KIRREL3: variants seen among roughly 807,000 people sequenced by gnomAD.
The protein encoded by KIRREL3 is kin of IRRE-like protein 3.
Under a neutral mutation model 89.7 loss-of-function variants are expected in KIRREL3, and 36 were observed. That is an observed-to-expected ratio of 0.40 (90% CI 0.31 to 0.53). The LOEUF (loss-of-function observed/expected upper bound fraction) is 0.53, where lower values mean the gene tolerates loss of function less well. Among genes scored for constraint, KIRREL3 ranks in the 20% least tolerant of loss-of-function variants. The pLI, the probability that KIRREL3 is intolerant of heterozygous loss-of-function variation, is 0.49. For missense variants in KIRREL3, 864 were observed against 1,056.6 expected, an observed-to-expected ratio of 0.82 and a Z score of 2.53; for synonymous variants, 445 against 441.4, an observed-to-expected ratio of 1.01 and a Z score of -0.10.
Position 126,463,804 on chromosome 11 carries a change from C to T in KIRREL3, c.592-497G>A, listed in dbSNP as rs1332101654. Among the ~76,000 whole-genome samples, 1 of 152,148 alleles carries T rather than the reference C, an allele frequency of 6.6e-6. No individual in the cohort carries two copies. Among genetic ancestry groups the T allele is most frequent in the African/African-American group, 2.4e-5 (1 of 41,438 alleles). Reference sequence around the variant, plus strand: ...GAGTCAGAGTGGGTGGGGATATGGGCAGAATCAGTGCACATCAACCTTTCG... The same window carrying T: ...GAGTCAGAGTGGGTGGGGATATGGGTAGAATCAGTGCACATCAACCTTTCG... On this transcript the variant is annotated intron_variant, in intron 5 of 16. Transcript: ENST00000525144. This position sits in a 1 kb window ranked among gnomAD's most constrained non-coding sequence, Gnocchi z 5.9.
At position 126,614,093 on chromosome 11, in the gene KIRREL3, C is replaced by T. The variant is rs890158771; in HGVS notation, c.56-51181G>A. ...TCTCCCTTTGTGGGTGGCATTTTGACATCACATTTTAAGACAGGGTACAGA... is the reference window on the plus strand; with the variant it reads ...TCTCCCTTTGTGGGTGGCATTTTGATATCACATTTTAAGACAGGGTACAGA... On this transcript the variant is annotated intron_variant, in intron 1 of 16. Transcript: ENST00000525144. This position sits in a 1 kb window ranked among gnomAD's most constrained non-coding sequence, Gnocchi z 4.6. Among the ~76,000 whole-genome samples, 2 of 152,026 alleles carry T rather than the reference C, an allele frequency of 1.3e-5. No individual in the cohort carries two copies. Among genetic ancestry groups the T allele is most frequent in the African/African-American group, 4.8e-5 (2 of 41,382 alleles).
At position 126,514,822 on chromosome 11, in the gene KIRREL3, C is replaced by T. The variant is rs537338939; in HGVS notation, c.433+6493G>A. ...TAGCCACATTGCCTCTCCAACACAA[C>T]ACAACACAACACAACACAACACAAC... On this transcript the variant is annotated intron_variant, in intron 4 of 16. Transcript: ENST00000525144. Among the ~76,000 whole-genome samples, 27 of 133,644 alleles carry T rather than the reference C, an allele frequency of 2.0e-4. No individual in the cohort carries two copies. In the South Asian group the frequency reaches 5.4e-3, roughly 27 times the overall value. 87.7% of individuals were successfully genotyped at this position (133,644 alleles called of 152,430 possible). A position where few individuals can be genotyped will look rare whatever the true frequency, so the allele number is the denominator to read the frequency against.
Position 126,763,018 on chromosome 11 carries a change from C to G in KIRREL3, c.56-200106G>C, listed in dbSNP as rs950408200. ...CAGAGGCCACCCATCCTCAGGGATC[C>G]TGGGATTCAACTTTGAGAGCATAAC... On this transcript the variant is annotated intron_variant, in intron 1 of 16. Transcript: ENST00000525144. The surrounding 1 kb of genome is among the most constrained non-coding windows in gnomAD (Gnocchi z 4.7). Among the ~76,000 whole-genome samples, 2 of 152,288 alleles carry G rather than the reference C, an allele frequency of 1.3e-5. No homozygotes were observed. Among genetic ancestry groups the G allele is most frequent in the East Asian group, 1.9e-4 (1 of 5,172 alleles).
chr11:126,834,661 A>G (rs147888001), intron 1 of KIRREL3, among the ~76,000 whole-genome samples: 133 of 152,366 alleles, frequency 8.7e-4, no homozygotes, highest in African/African-American at 3.1e-3. Context: ...TGTAAAGAAG[A>G]GAATTCTCAG....
chr11:126,630,752 T>C (rs1319158771), intron 1 of KIRREL3, among the ~76,000 whole-genome samples: 4 of 152,200 alleles, frequency 2.6e-5, no homozygotes, highest in Admixed American at 1.3e-4. Context: ...CTTTGACTCC[T>C]GATTGGCCCT....
chr11:126,857,984 C>T (rs946697670), intron 1 of KIRREL3, among the ~76,000 whole-genome samples: 6 of 152,160 alleles, frequency 3.9e-5, no homozygotes, highest in Non-Finnish European at 8.8e-5. Context: ...GCACAAGCTG[C>T]AGATGAAAGA....
Position 126,898,855 on chromosome 11 carries a change from TA to T in KIRREL3, c.55+101599del, listed in dbSNP as rs1350431484. ...TATATTCAATTTAAAAAATAGCACA[TA>T]ACTTAGAACATGGAATAAATGCCAA... On this transcript the variant is annotated intron_variant, in intron 1 of 16. Coordinates refer to ENST00000525144, the MANE Select transcript of KIRREL3 (RefSeq NM_032531.4). This position sits in a 1 kb window ranked among gnomAD's most constrained non-coding sequence, Gnocchi z 4.9. 6.6e-6 allele frequency among the ~76,000 whole-genome samples: 1 copy of T among 152,142 alleles called. No individual in the cohort carries two copies. Among genetic ancestry groups the T allele is most frequent in the Admixed American group, 6.5e-5 (1 of 15,272 alleles).
chr11:126,441,370 C>T lies in KIRREL3; in HGVS notation c.1253-821G>A, dbSNP rs1955556392. Among the ~76,000 whole-genome samples, 1 of 152,250 alleles carries T rather than the reference C, an allele frequency of 6.6e-6. No homozygotes were observed. The highest frequency in any genetic ancestry group is 2.1e-4 in the South Asian group (1 of 4,834). On this transcript the variant is annotated intron_variant, in intron 10 of 16. Transcript: ENST00000525144. This position sits in a 1 kb window ranked among gnomAD's most constrained non-coding sequence, Gnocchi z 5.0. The stretch of plus-strand genomic sequence containing the variant: ...ACCTGGTGGAGGGGAGCCTGTTCCC[C>T]AGCGCCTCCTGTCCAGTTCCGCCTG...
chr11:126,700,784 C>T (rs973363843), intron 1 of KIRREL3, among the ~76,000 whole-genome samples: 3 of 152,160 alleles, frequency 2.0e-5, no homozygotes, highest in African/African-American at 7.2e-5. Context: ...GTGCAACAGG[C>T]CTGACTTTGT....
Position 126,555,779 on chromosome 11 carries a change from C to T in KIRREL3, c.133+7056G>A, listed in dbSNP as rs112475586. Reference sequence around the variant, plus strand: ...TTTTTGAGACGGAGTCTCCCTCTATCACTCAGGCTGGAGTGCAGTGGCACG... The same window carrying T: ...TTTTTGAGACGGAGTCTCCCTCTATTACTCAGGCTGGAGTGCAGTGGCACG... On this transcript the variant is annotated intron_variant, in intron 2 of 16. Transcript: ENST00000525144. This position sits in a 1 kb window ranked among gnomAD's most constrained non-coding sequence, Gnocchi z 4.2. 0.04 allele frequency among the ~76,000 whole-genome samples: 5,998 copies of T among 149,026 alleles called. 301 individuals carry two copies. The highest frequency in any genetic ancestry group is 0.12 in the African/African-American group (4,817 of 40,524).
chr11:126,963,348 G>C (rs956207855), intron 1 of KIRREL3, among the ~76,000 whole-genome samples: 4 of 149,558 alleles, frequency 2.7e-5, no homozygotes, highest in Non-Finnish European at 5.9e-5. Flanking sequence ...CACACACACA[G>C]ACACACACAC....
intron 1 of KIRREL3, among the ~76,000 whole-genome samples, chr11:126,863,542 AGT>A (rs758323677): frequency 1.3e-4 from 13 of 100,890 alleles, no homozygotes; most frequent in South Asian, 3.2e-4. Flanking sequence ...AGTGCGTGTG[AGT>A]GTGTGAGTGC....
At chr11:126,868,701 T>A (rs944116393) in intron 1 of KIRREL3, among the ~76,000 whole-genome samples, 1 of 152,170 alleles carries the variant, frequency 6.6e-6, no homozygotes, top group Non-Finnish European at 1.5e-5. Flanking sequence ...TGCCCTTTCT[T>A]ATCCTCTCAG....
chr11:126,964,476 G>A (rs1390389358), intron 1 of KIRREL3, among the ~76,000 whole-genome samples: 1 of 152,088 alleles, frequency 6.6e-6, no homozygotes, highest in East Asian at 1.9e-4. Context: ...ATGTTGGGTA[G>A]GTCCTCCTAG....
rs952620229 is a variant in KIRREL3 at position 126,491,634 on chromosome 11, A to C, written c.434-18168T>G. Among the ~76,000 whole-genome samples, 3 of 152,184 alleles carry C rather than the reference A, an allele frequency of 2.0e-5. No homozygotes were observed. The highest frequency in any genetic ancestry group is 7.2e-5 in the African/African-American group (3 of 41,444). On this transcript the variant is annotated intron_variant, in intron 4 of 16. Transcript: ENST00000525144. This position sits in a 1 kb window ranked among gnomAD's most constrained non-coding sequence, Gnocchi z 5.5. ...GCAGAGAAGTTGAGCAACATGCCCA[A>C]AGCAGCCAAGATTACCGTTTCTTTG...
rs902390356 is a variant in KIRREL3 at position 126,637,033 on chromosome 11, A to G, written c.56-74121T>C. On this transcript the variant is annotated intron_variant, in intron 1 of 16. Transcript: ENST00000525144. ...CTTCCTCCTCACTTCTCTAGTCTCA[A>G]TGCCTGCTTAGGGGAGGGGTAGAGA... Among the ~76,000 whole-genome samples the G allele has an allele frequency of 9.2e-5, 14 of 152,206 alleles. No individual in the cohort carries two copies. The East Asian group carries it at 1.4e-3, about 15-fold the overall frequency.
intron 1 of KIRREL3, among the ~76,000 whole-genome samples, chr11:126,646,602 G>A (rs1437558115): frequency 6.6e-6 from 1 of 151,476 alleles, no homozygotes; most frequent in Non-Finnish European, 1.5e-5. Context: ...AGCCTCCTGA[G>A]TAGCTGGGAT....
intron 1 of KIRREL3, among the ~76,000 whole-genome samples, chr11:126,982,835 T>C (rs1390913444): frequency 2.0e-5 from 3 of 152,226 alleles, no homozygotes; most frequent in Non-Finnish European, 4.4e-5. Flanking sequence ...CTCTATTTCA[T>C]CTCAACTACT....
intron 6 of KIRREL3, among the ~76,000 whole-genome samples, chr11:126,458,453 G>A (rs1455941027): frequency 1.9e-5 from 2 of 104,144 alleles, no homozygotes; most frequent in South Asian, 3.2e-4. Flanking sequence ...AGACCGAGCC[G>A]GCCTTACTCT....
Sources: gnomAD v4.1 joint callset for allele counts (sites outside exome capture counted in the v4.1 genomes callset) on GRCh38, gnomAD v4.1.1 for gene constraint, Gnocchi (gnomAD v3.1) non-coding constraint, MANE v1.5 for transcripts, NCBI Gene and HGNC (gene_info 2026-07-23, HGNC 2026-07-21) for gene names.